Variants in ZBTB20 observed in about 807,000 individuals in gnomAD.
ZBTB20 encodes the protein zinc finger and BTB domain-containing protein 20.
ZBTB20 carries 9 observed loss-of-function variants against 56.9 expected under a neutral mutation model. That is an observed-to-expected ratio of 0.16 (90% CI 0.10 to 0.28). The LOEUF (loss-of-function observed/expected upper bound fraction) is 0.28, where lower values mean the gene tolerates loss of function less well. ZBTB20 is among the 10% of genes least tolerant of loss of function. The probability of loss-of-function intolerance (pLI) is 1.00; values close to 1 mark genes in which losing one functional copy is unlikely to be tolerated. For synonymous variants in ZBTB20, 417 were observed against 420.7 expected (o/e 0.99, Z 0.11); for missense variants, 655 against 1,003.0 (o/e 0.65, Z 4.69).
intron 7 of ZBTB20, among the ~76,000 whole-genome samples, chr3:114,494,022 C>T (rs1446591035): frequency 2.6e-5 from 4 of 152,136 alleles, no homozygotes; most frequent in African/African-American, 9.7e-5. Flanking sequence ...TAAAATAAAT[C>T]AAACATGTTA....
intron 1 of ZBTB20, among the ~76,000 whole-genome samples, chr3:115,146,020 A>G (rs1308718898): frequency 6.6e-6 from 1 of 152,208 alleles, no homozygotes; most frequent in African/African-American, 2.4e-5. Flanking sequence ...TAGAAAAAAC[A>G]GTGGAGAAGA....
rs2082297171 is a variant in ZBTB20, at chr3:114,365,436, C to T, written c.200-13558G>A. On this transcript the variant is annotated intron_variant, in intron 10 of 11. Coordinates refer to ENST00000675478, the MANE Select transcript of ZBTB20 (RefSeq NM_001348800.3). ...GATTTCTATGCCAAGCTCTTGTTTC[C>T]CTGGGCCAGCTCTGCCTGCTGCTGA... 1.3e-5 allele frequency among the ~76,000 whole-genome samples: 2 copies of T among 152,078 alleles called. 1 individual carries two copies. The highest frequency in any genetic ancestry group is 4.1e-4 in the South Asian group (2 of 4,824).
chr3:114,647,611 T>TTC, intron 6 of ZBTB20, among the ~76,000 whole-genome samples: 1 of 152,228 alleles, frequency 6.6e-6, no homozygotes, highest in Non-Finnish European at 1.5e-5. Context: ...TTATTATTGG[T>TTC]GTGATCTTGA....
chr3:114,461,665 T>C (rs547789478), intron 7 of ZBTB20, among the ~76,000 whole-genome samples: 17 of 152,318 alleles, frequency 1.1e-4, no homozygotes, highest in Admixed American at 5.2e-4. Flanking sequence ...CAGTTACCGC[T>C]TACATTCTAT....
At chr3:114,931,624 T>C (rs991686452) in intron 3 of ZBTB20, among the ~76,000 whole-genome samples, 3 of 152,138 alleles carry the variant, frequency 2.0e-5, no homozygotes, top group Non-Finnish European at 2.9e-5. Flanking sequence ...CTACGAAGCA[T>C]GGGGTTTTTA....
At position 114,351,258 on chromosome 3, in the gene ZBTB20, G is replaced by C. The variant is rs1469376808; in HGVS notation, c.820C>G (p.Leu274Val). 7.5e-6 allele frequency: 12 copies of C among 1,601,144 alleles called. No homozygotes were observed. In the South Asian group the frequency reaches 1.3e-4, roughly 18 times the overall value. Residue 274 changes from leucine (L) to valine (V), a missense_variant, in exon 11 of 12, where the codon CTC becomes GTC. This residue lies in a region of ZBTB20 where 167 missense variants were observed against 281.9 expected (regional missense o/e 0.59). Transcript: ENST00000675478. ...ATGTGGTGGTCGCGGGGCAGGCCGA[G>C]CGCAGTCTCGTGGTGGCTGACCACT... ...GAVVSHHETA[L>V]GLPRDHHMED...
chr3:114,324,395 G>A lies in ZBTB20; in HGVS notation c.*14610C>T, dbSNP rs1291987251. 1 of 152,044 alleles carries A rather than the reference G, an allele frequency of 6.6e-6. No individual in the cohort carries two copies. The highest frequency in any genetic ancestry group is 1.5e-5 in the Non-Finnish European group (1 of 68,008). The allele number at this position is 152,044 out of a possible 1,614,324, so 9.4% of individuals were successfully genotyped here. On this transcript the variant is annotated 3_prime_UTR_variant, in exon 12 of 12. Coordinates refer to ENST00000675478, the MANE Select transcript of ZBTB20 (RefSeq NM_001348800.3). ...ATAGTGCAATCAGCTATTCCTCAAG[G>A]GCTACAGGCAGCAGCCACCTAACAT...
chr3:114,384,727 C>G (rs1177168033), intron 8 of ZBTB20, among the ~76,000 whole-genome samples: 1 of 152,182 alleles, frequency 6.6e-6, no homozygotes, highest in Admixed American at 6.5e-5. Context: ...AAGTTTTAGG[C>G]TGAAACATAG....
At chr3:115,076,039 A>G (rs1228104759) in intron 1 of ZBTB20, among the ~76,000 whole-genome samples, 1 of 152,194 alleles carries the variant, frequency 6.6e-6, no homozygotes, top group Non-Finnish European at 1.5e-5. Flanking sequence ...AGCACCAAGA[A>G]GTATAAAATA....
chr3:114,425,054 T>A (rs1213925846), intron 7 of ZBTB20, among the ~76,000 whole-genome samples: 2 of 150,202 alleles, frequency 1.3e-5, no homozygotes, highest in Non-Finnish European at 2.9e-5. Flanking sequence ...TAGCTGTGTA[T>A]CTGAATGCCC....
At chr3:114,773,238 C>T (rs1211471206) in intron 5 of ZBTB20, among the ~76,000 whole-genome samples, 1 of 152,096 alleles carries the variant, frequency 6.6e-6, no homozygotes, top group Admixed American at 6.6e-5. Context: ...ACTGGTAGAG[C>T]CAATCTAAAC....
chr3:114,898,120 T>C (rs1306719501), intron 4 of ZBTB20, among the ~76,000 whole-genome samples: 2 of 152,174 alleles, frequency 1.3e-5, no homozygotes, highest in Admixed American at 1.3e-4. Context: ...TATTCTGATC[T>C]TAACTGACCC....
chr3:114,565,310 A>C (rs1467028403), intron 6 of ZBTB20, among the ~76,000 whole-genome samples: 1 of 152,226 alleles, frequency 6.6e-6, no homozygotes, highest in Non-Finnish European at 1.5e-5. Flanking sequence ...ACTGAACTAC[A>C]GATTAAAGCT....
At chr3:114,891,940 G>A (rs780820942) in intron 4 of ZBTB20, among the ~76,000 whole-genome samples, 22 of 152,044 alleles carry the variant, frequency 1.4e-4, no homozygotes, top group African/African-American at 2.4e-4. Context: ...CCAGCTACTC[G>A]GAAGGCTGAG....
At chr3:114,498,643 C>T (rs544172469) in intron 7 of ZBTB20, among the ~76,000 whole-genome samples, 1 of 152,290 alleles carries the variant, frequency 6.6e-6, no homozygotes, top group Non-Finnish European at 1.5e-5. Context: ...GGCACAAGGT[C>T]ATGGGTATAT....
chr3:114,948,395 T>C (rs2076955390), intron 3 of ZBTB20, among the ~76,000 whole-genome samples: 1 of 146,086 alleles, frequency 6.8e-6, no homozygotes, highest in Non-Finnish European at 1.5e-5. Context: ...TGGTCCTAGC[T>C]AGTGCACACA....
chr3:114,354,619 T>C (rs2081043451), intron 10 of ZBTB20, among the ~76,000 whole-genome samples: 1 of 148,408 alleles, frequency 6.7e-6, no homozygotes, highest in Non-Finnish European at 1.5e-5. Context: ...TCTTGCTCTG[T>C]TGCCCAGGCT....
rs563175752 is a variant in ZBTB20 at position 114,766,425 on chromosome 3, C to A, written c.-343+34676G>T. 1.5e-4 allele frequency among the ~76,000 whole-genome samples: 23 copies of A among 150,996 alleles called. No individual in the cohort carries two copies. The South Asian group carries it at 4.4e-3, about 29-fold the overall frequency. The stretch of plus-strand genomic sequence containing the variant: ...TCTTTAAAACAGGTGCTCTTAAATG[C>A]TTTTGCATGAATAAGAGACTGTACC... On this transcript the variant is annotated intron_variant, in intron 5 of 11. Coordinates refer to ENST00000675478, the MANE Select transcript of ZBTB20 (RefSeq NM_001348800.3).
intron 6 of ZBTB20, among the ~76,000 whole-genome samples, chr3:114,577,115 A>G (rs2054159791): frequency 6.6e-6 from 1 of 152,162 alleles, no homozygotes; most frequent in Non-Finnish European, 1.5e-5. Flanking sequence ...TGCTCTAAAA[A>G]ATGGAAATAA....
Sources: gnomAD v4.1 joint callset for allele counts (sites outside exome capture counted in the v4.1 genomes callset) on GRCh38, gnomAD v4.1.1 for gene constraint, gnomAD v4.1.1 regional missense constraint, MANE v1.5 for transcripts, NCBI Gene and HGNC (gene_info 2026-07-23, HGNC 2026-07-21) for gene names.